The following TFDP2 variants were observed in gnomAD, a reference collection of about 807,000 sequenced individuals.
The protein encoded by TFDP2 is transcription factor Dp-2.
TFDP2 carries 17 observed loss-of-function variants against 59.3 expected under a neutral mutation model. The ratio of observed to expected loss-of-function variants is 0.29; its 90% CI spans 0.20 to 0.43. The LOEUF (loss-of-function observed/expected upper bound fraction) is 0.43. Among genes scored for constraint, TFDP2 ranks in the 20% least tolerant of loss-of-function variants. The pLI is 1.00. For missense variants in TFDP2, 391 were observed against 528.8 expected, an observed-to-expected ratio of 0.74 and a Z score of 2.56; for synonymous variants, 180 against 194.7, an observed-to-expected ratio of 0.92 and a Z score of 0.63.
chr3:142,061,236 C>T (rs939308857), intron 3 of TFDP2, among the ~76,000 whole-genome samples: 4 of 152,104 alleles, frequency 2.6e-5, no homozygotes, highest in Admixed American at 1.3e-4. Context: ...ACTACAACAA[C>T]GTTTTAGCAT....
chr3:142,100,598 C>T (rs1459524438), intron 2 of TFDP2, among the ~76,000 whole-genome samples: 2 of 152,176 alleles, frequency 1.3e-5, no homozygotes. Flanking sequence ...GTCTCGAACT[C>T]CTGACCTCAG....
intron 3 of TFDP2, among the ~76,000 whole-genome samples, chr3:142,063,764 G>C (rs1177201380): frequency 6.6e-6 from 1 of 151,982 alleles, no homozygotes; most frequent in Non-Finnish European, 1.5e-5. Context: ...TAAAGCAAAA[G>C]ATCCACTGTC....
intron 1 of TFDP2, among the ~76,000 whole-genome samples, chr3:142,114,455 T>C (rs1041369263): frequency 1.3e-5 from 2 of 152,110 alleles, no homozygotes; most frequent in Non-Finnish European, 2.9e-5. Flanking sequence ...TATAGAAAAA[T>C]AAACAATTGC....
At chr3:142,089,232 A>T (rs2060918295) in intron 3 of TFDP2, among the ~76,000 whole-genome samples, 1 of 151,564 alleles carries the variant, frequency 6.6e-6, no homozygotes, top group Admixed American at 6.6e-5. Context: ...TCTCCTCAGT[A>T]GAAAAAAAAA....
At chr3:141,973,336 C>T (rs558709258) in intron 8 of TFDP2, among the ~76,000 whole-genome samples, 88 of 151,958 alleles carry the variant, frequency 5.8e-4, no homozygotes, top group African/African-American at 2.0e-3. Flanking sequence ...ACCTCGGCCT[C>T]CCAAAGTGCT....
At chr3:141,975,774 T>C (rs1576537806) in intron 7 of TFDP2, among the ~76,000 whole-genome samples, 1 of 151,958 alleles carries the variant, frequency 6.6e-6, no homozygotes, top group East Asian at 1.9e-4. Flanking sequence ...GGCAATGTGA[T>C]AGGTATGCCA....
chr3:142,067,349 A>T (rs2060105350), intron 3 of TFDP2, among the ~76,000 whole-genome samples: 1 of 152,034 alleles, frequency 6.6e-6, no homozygotes. Flanking sequence ...ATTTGAAATT[A>T]AAAACACAAG....
At chr3:141,992,617 C>G (rs769168535) in intron 6 of TFDP2, among the ~76,000 whole-genome samples, 1 of 152,194 alleles carries the variant, frequency 6.6e-6, no homozygotes, top group African/African-American at 2.4e-5. Flanking sequence ...CATTTCATTT[C>G]TATGATACAG....
At chr3:142,011,989 C>T (rs577576673) in intron 3 of TFDP2, among the ~76,000 whole-genome samples, 1 of 151,194 alleles carries the variant, frequency 6.6e-6, no homozygotes, top group East Asian at 1.9e-4. Flanking sequence ...AAAAATAATT[C>T]TACACTTTTT....
At chr3:142,124,932 A>C (rs1330223258) in intron 1 of TFDP2, among the ~76,000 whole-genome samples, 1 of 152,210 alleles carries the variant, frequency 6.6e-6, no homozygotes, top group Non-Finnish European at 1.5e-5. Flanking sequence ...ATTGTAGATT[A>C]CACCTGTAAC....
chr3:141,999,051 C>T (rs1444423274), intron 4 of TFDP2, among the ~76,000 whole-genome samples: 1 of 152,108 alleles, frequency 6.6e-6, no homozygotes, highest in African/African-American at 2.4e-5. Flanking sequence ...ATACAGTTGA[C>T]CCTTGAACAA....
At chr3:142,147,120 T>C (rs1256218678) in intron 1 of TFDP2, among the ~76,000 whole-genome samples, 1 of 149,056 alleles carries the variant, frequency 6.7e-6, no homozygotes, top group East Asian at 2.0e-4. Context: ...ACACTATAAA[T>C]AGTCTCTCCA....
chr3:142,049,229 T>C (rs1947492948), intron 3 of TFDP2, among the ~76,000 whole-genome samples: 1 of 152,120 alleles, frequency 6.6e-6, no homozygotes, highest in Non-Finnish European at 1.5e-5. Context: ...TAAATGAAAT[T>C]TTAGCTAACT....
intron 3 of TFDP2, among the ~76,000 whole-genome samples, chr3:142,076,526 T>C (rs1288667668): frequency 1.3e-5 from 2 of 151,826 alleles, no homozygotes; most frequent in Non-Finnish European, 2.9e-5. Flanking sequence ...TGAAAAAAAA[T>C]GAAACATAGA....
At chr3:142,092,331 C>CT (rs200250132) in intron 3 of TFDP2, among the ~76,000 whole-genome samples, 10 of 151,878 alleles carry the variant, frequency 6.6e-5, no homozygotes, top group Middle Eastern at 3.4e-3. Context: ...GGTCAGAATA[C>CT]TTTTTTTTCT....
chr3:141,974,907 C>CTTTTTTTTTTTTTTTT (rs753702830), intron 7 of TFDP2, among the ~76,000 whole-genome samples: 33 of 90,472 alleles, frequency 3.6e-4, no homozygotes, highest in Non-Finnish European at 4.4e-4. Context: ...TCTTCTTCTT[C>CTTTTTTTTTTTTTTTT]TTTTTTTTTT....
At chr3:142,139,990 C>T (rs1194606175) in intron 1 of TFDP2, among the ~76,000 whole-genome samples, 1 of 152,250 alleles carries the variant, frequency 6.6e-6, no homozygotes, top group East Asian at 1.9e-4. Flanking sequence ...GTCCCCGTCA[C>T]TTTCAGGTAC....
At chr3:142,060,651 G>A (rs1274796527) in intron 3 of TFDP2, among the ~76,000 whole-genome samples, 2 of 152,052 alleles carry the variant, frequency 1.3e-5, no homozygotes, top group African/African-American at 4.8e-5. Flanking sequence ...GGGTTGTTCT[G>A]TGCCTTCTAC....
At chr3:142,055,023 A>G (rs1576853561) in intron 3 of TFDP2, among the ~76,000 whole-genome samples, 2 of 152,326 alleles carry the variant, frequency 1.3e-5, no homozygotes, top group African/African-American at 4.8e-5. Context: ...TTAAGCAGAT[A>G]TTGGATATTG....
Sources: gnomAD v4.1 joint callset for allele counts (sites outside exome capture counted in the v4.1 genomes callset) on GRCh38, gnomAD v4.1.1 for gene constraint, MANE v1.5 for transcripts, NCBI Gene and HGNC (gene_info 2026-07-23, HGNC 2026-07-21) for gene names.